The following BANP variants were observed in gnomAD, a reference collection of about 807,000 sequenced individuals.
BANP encodes BTG3 associated nuclear protein.
A neutral mutation model predicts 68.1 loss-of-function variants in BANP; 11 were observed. The observed-to-expected ratio is 0.16, with a 90% confidence interval of 0.10 to 0.27. The LOEUF (loss-of-function observed/expected upper bound fraction) is 0.27, where lower values mean the gene tolerates loss of function less well. BANP is among the 10% of genes least tolerant of loss of function. BANP has a pLI of 1.00. For missense variants in BANP, 504 were observed against 722.7 expected, an observed-to-expected ratio of 0.70 and a Z score of 3.47; for synonymous variants, 329 against 303.2, an observed-to-expected ratio of 1.09 and a Z score of -0.88.
chr16:87,990,250 T>C (rs565624944), intron 4 of BANP, among the ~76,000 whole-genome samples: 3 of 152,368 alleles, frequency 2.0e-5, no homozygotes, highest in Admixed American at 6.5e-5. Flanking sequence ...AGCATGTTTC[T>C]ACAATTTTAC....
chr16:88,020,140 TG>T (rs2075714234), intron 7 of BANP, among the ~76,000 whole-genome samples: 1 of 152,194 alleles, frequency 6.6e-6, no homozygotes, highest in Non-Finnish European at 1.5e-5. Context: ...CAGAGGGTCA[TG>T]GGGCAGGGGT....
chr16:87,975,826 T>C (rs11117335), intron 2 of BANP, among the ~76,000 whole-genome samples: 51,933 of 83,050 alleles, frequency 0.63, 14,259 homozygotes, highest in African/African-American at 0.73. Context: ...TGGAACCTTA[T>C]CATGTTGTGT....
At chr16:88,038,993 G>T (rs1047403989) in intron 11 of BANP, among the ~76,000 whole-genome samples, 5 of 152,222 alleles carry the variant, frequency 3.3e-5, no homozygotes, top group Non-Finnish European at 5.9e-5. Flanking sequence ...AGGCCCTGCG[G>T]ATCTCTGACC....
Position 88,003,992 on chromosome 16 carries a change from C to T in BANP, c.363-303C>T, listed in dbSNP as rs1389399528. ...CTGGTGCGGTTGCAGTCTATTCTGT[C>T]ACAAGTTCAGCATCCTCAGCCCAGC... On this transcript the variant is annotated intron_variant, in intron 4 of 13. Coordinates refer to ENST00000682872, the MANE Select transcript of BANP (RefSeq NM_001386991.1). This position sits in a 1 kb window ranked among gnomAD's most constrained non-coding sequence, Gnocchi z 6.1. 1 of 357,876 alleles carries T rather than the reference C, an allele frequency of 2.8e-6. No individual in the cohort carries two copies. Among genetic ancestry groups the T allele is most frequent in the Non-Finnish European group, 5.3e-6 (1 of 189,678 alleles). The allele number at this position is 357,876 out of a possible 1,614,324, so 22.2% of individuals were successfully genotyped here. A position where few individuals can be genotyped will look rare whatever the true frequency, so the allele number is the denominator to read the frequency against.
At chr16:87,981,846 C>A (rs1327568829) in intron 3 of BANP, among the ~76,000 whole-genome samples, 3 of 152,184 alleles carry the variant, frequency 2.0e-5, no homozygotes, top group Non-Finnish European at 4.4e-5. Context: ...GGGAACTGCT[C>A]ATTCAGTGAA....
At chr16:87,952,107 C>T (rs1420878345) in intron 1 of BANP, 1 of 152,280 alleles carries the variant, frequency 6.6e-6, no homozygotes, top group East Asian at 1.9e-4. Flanking sequence ...CGGGGTGCCC[C>T]CTCCCCAGCA....
At chr16:87,999,972 A>C (rs79096320) in intron 4 of BANP, among the ~76,000 whole-genome samples, 3 of 93,498 alleles carry the variant, frequency 3.2e-5, no homozygotes, top group Admixed American at 2.2e-4. Flanking sequence ...GTCTCCATGC[A>C]CGCACGTGCG....
In BANP at chr16:88,057,287, G is replaced by T. The variant is rs1308195469; in HGVS notation, c.1312-7980G>T. On this transcript the variant is annotated intron_variant, in intron 11 of 13. Coordinates refer to ENST00000682872, the MANE Select transcript of BANP (RefSeq NM_001386991.1). This position sits in a 1 kb window ranked among gnomAD's most constrained non-coding sequence, Gnocchi z 4.6. ...CCTGTTGCTTTGGGTGCCTCTGTGGGGAGCAGCTAATGGATGTGTAGACTC... is the reference window on the plus strand; with the variant it reads ...CCTGTTGCTTTGGGTGCCTCTGTGGTGAGCAGCTAATGGATGTGTAGACTC... Among the ~76,000 whole-genome samples, 2 of 152,180 alleles carry T rather than the reference G, an allele frequency of 1.3e-5. No individual in the cohort carries two copies. Among genetic ancestry groups the T allele is most frequent in the African/African-American group, 4.8e-5 (2 of 41,430 alleles).
At chr16:88,034,814 C>A (rs1031134310) in intron 9 of BANP, among the ~76,000 whole-genome samples, 1 of 56,940 alleles carries the variant, frequency 1.8e-5, no homozygotes. Flanking sequence ...ACACAGCAGC[C>A]CCCCCTTACC....
rs190907647 is a variant in BANP, at chr16:88,010,145, C to G, written c.655+3880C>G. ...TTTTGTACTTGAAAGTGTGTGGGGC[C>G]TCATCATTCAATGACTAAGCTGCCA... On this transcript the variant is annotated intron_variant, in intron 6 of 13. Transcript: ENST00000682872. Among the ~76,000 whole-genome samples, 784 of 152,300 alleles carry G rather than the reference C, an allele frequency of 5.1e-3. 2 individuals are homozygous for G. Among genetic ancestry groups the G allele is most frequent in the Non-Finnish European group, 8.6e-3 (586 of 68,022 alleles).
chr16:87,951,340 A>T (rs1303386364), upstream of BANP: 4 of 152,056 alleles, frequency 2.6e-5, no homozygotes, highest in Non-Finnish European at 5.9e-5. Context: ...CCTCACTGCC[A>T]CAGGGGTGCC....
In BANP at chr16:88,076,685, C is replaced by T. The variant is rs768232860; in HGVS notation, c.*24C>T. ...GAGCGGTGCCCATGGCACCAGGAGC[C>T]CCTCGCCGGCTCCGCCTACGGCCCG... On this transcript the variant is annotated 3_prime_UTR_variant, in exon 14 of 14. Coordinates refer to ENST00000682872, the MANE Select transcript of BANP (RefSeq NM_001386991.1). 9 of 1,596,452 alleles carry T rather than the reference C, an allele frequency of 5.6e-6. No homozygotes were observed. The highest frequency in any genetic ancestry group is 6.8e-6 in the Non-Finnish European group (8 of 1,175,240).
rs144562273 is a variant in BANP at position 88,018,639 on chromosome 16, G to A, written c.867G>A (p.Leu289=). Residue 289 remains leucine (L), a synonymous_variant, in exon 7 of 14, where the codon CTG becomes CTA. Transcript: ENST00000682872. This position sits in a 1 kb window ranked among gnomAD's most constrained non-coding sequence, Gnocchi z 7.7. ...AGGGCAAGCACGGGAAGAAGCAGCT[G>A]GACCCGCTCACCATCTACGGCATCC... ...SGQGKHGKKQ[L]DPLTIYGIRC... The A allele has an allele frequency of 1.2e-4, 181 of 1,569,098 alleles. No individual in the cohort carries two copies. The African/African-American group carries it at 2.2e-3, about 19-fold the overall frequency.
intron 11 of BANP, among the ~76,000 whole-genome samples, chr16:88,053,557 ACCT>A: frequency 7.2e-6 from 1 of 138,988 alleles, no homozygotes; most frequent in Non-Finnish European, 1.5e-5. Flanking sequence ...TACCACCACC[ACCT>A]CCACCATCAT....
In BANP at chr16:87,957,838, C is replaced by A. The variant is rs2058395811; in HGVS notation, c.-69+6323C>A. ...CGGTCCCTGCTGTCATCATGGCATG[C>A]TGCAAGCTCTGTGGGCGCTGGTGGC... is the stretch of plus-strand genomic sequence containing the variant. On this transcript the variant is annotated intron_variant, in intron 1 of 13. Coordinates refer to ENST00000682872, the MANE Select transcript of BANP (RefSeq NM_001386991.1). The surrounding 1 kb of genome is among the most constrained non-coding windows in gnomAD (Gnocchi z 4.3). Among the ~76,000 whole-genome samples the A allele has an allele frequency of 6.6e-6, 1 of 152,130 alleles. No individual in the cohort carries two copies. The highest frequency in any genetic ancestry group is 1.5e-5 in the Non-Finnish European group (1 of 68,030).
rs2070468133 is a variant in BANP at position 88,004,749 on chromosome 16, T to A, written c.479+338T>A. 6.6e-6 allele frequency among the ~76,000 whole-genome samples: 1 copy of A among 152,234 alleles called. No individual in the cohort carries two copies. Among genetic ancestry groups the A allele is most frequent in the East Asian group, 1.9e-4 (1 of 5,198 alleles). ...GCTCAGTGGTCCTCACGTCTGTCTG[T>A]GCAGAGCGTGTCAGGCAAACAGACG... On this transcript the variant is annotated intron_variant, in intron 5 of 13. Coordinates refer to ENST00000682872, the MANE Select transcript of BANP (RefSeq NM_001386991.1). The surrounding 1 kb of genome is among the most constrained non-coding windows in gnomAD (Gnocchi z 7.0).
chr16:88,048,369 T>C (rs1346390789), intron 11 of BANP, among the ~76,000 whole-genome samples: 1 of 152,064 alleles, frequency 6.6e-6, no homozygotes, highest in Non-Finnish European at 1.5e-5. Flanking sequence ...GGAGGTTGGA[T>C]TTCAGTAATG....
chr16:88,023,984 G>A (rs941902357), intron 7 of BANP, among the ~76,000 whole-genome samples: 49 of 152,320 alleles, frequency 3.2e-4, no homozygotes, highest in African/African-American at 1.1e-3. Context: ...CCCAGGTGAC[G>A]CCACGCTGTG....
At chr16:87,960,490 CCTT>C (rs1293274345) in intron 1 of BANP, among the ~76,000 whole-genome samples, 3 of 152,076 alleles carry the variant, frequency 2.0e-5, no homozygotes, top group African/African-American at 7.2e-5. Flanking sequence ...TATTTGCAAA[CCTT>C]CTATTTTGGA....
Sources: gnomAD v4.1 joint callset for allele counts (sites outside exome capture counted in the v4.1 genomes callset) on GRCh38, gnomAD v4.1.1 for gene constraint, Gnocchi (gnomAD v3.1) non-coding constraint, MANE v1.5 for transcripts, NCBI Gene and HGNC (gene_info 2026-07-23, HGNC 2026-07-21) for gene names.